LRRC18: variants seen among roughly 807,000 people sequenced by gnomAD.
The protein encoded by LRRC18 is leucine-rich repeat-containing protein 18.
LRRC18 carries 12 observed loss-of-function variants against 11.2 expected under a neutral mutation model. That is an observed-to-expected ratio of 1.07 (90% CI 0.69 to 1.74). LRRC18 has a LOEUF of 1.74. LRRC18 is among the 40% of genes most tolerant of loss of function. LRRC18 has a pLI of 0.00. For missense variants in LRRC18, 374 were observed against 330.5 expected (o/e 1.13, Z -1.02); for synonymous variants, 155 against 130.6 (o/e 1.19, Z -1.27).
upstream of LRRC18, among the ~76,000 whole-genome samples, chr10:48,918,748 AGG>A (rs34001978): frequency 4.6e-5 from 7 of 152,040 alleles, no homozygotes; most frequent in African/African-American, 7.3e-5. Flanking sequence ...TGTTGTCAGC[AGG>A]GGGTAGGATG....
intron 1 of LRRC18, among the ~76,000 whole-genome samples, chr10:48,911,946 G>T (rs1024118303): frequency 1.2e-4 from 19 of 152,236 alleles, no homozygotes; most frequent in Non-Finnish European, 1.5e-5. Flanking sequence ...GTGTGCTGTG[G>T]TTGACAATGT....
chr10:48,932,325 C>A, the LRRC18 span, among the ~76,000 whole-genome samples: 1 of 152,198 alleles, frequency 6.6e-6, no homozygotes. Context: ...GGTCAGGAAT[C>A]TCAGATGGAG....
At chr10:48,922,912 T>A in the LRRC18 span, among the ~76,000 whole-genome samples, 1 of 151,572 alleles carries the variant, frequency 6.6e-6, no homozygotes, top group Non-Finnish European at 1.5e-5. Context: ...GAAGGGAGAG[T>A]CACAAGTGAG....
At chr10:48,924,634 C>G in the LRRC18 span, among the ~76,000 whole-genome samples, 1 of 152,198 alleles carries the variant, frequency 6.6e-6, no homozygotes, top group South Asian at 2.1e-4. Context: ...TTTTTTTATA[C>G]TTTGGAAAAA....
At chr10:48,916,202 G>A (rs144041587), upstream of LRRC18, among the ~76,000 whole-genome samples, 56 of 152,206 alleles carry the variant, frequency 3.7e-4, no homozygotes, top group Admixed American at 1.6e-3. Context: ...CCCCTCAACC[G>A]TTTCTCTTGG....
At chr10:48,913,638 T>C in exon 1 of LRRC18, 1 of 1,614,074 alleles carries the variant, frequency 6.2e-7, no homozygotes, top group Non-Finnish European at 8.5e-7. Flanking sequence ...CCGCTTTATG[T>C]TGAGCTTTTT....
the LRRC18 span, among the ~76,000 whole-genome samples, chr10:48,930,108 A>C: frequency 1.3e-5 from 2 of 151,878 alleles, no homozygotes; most frequent in African/African-American, 4.8e-5. Flanking sequence ...CTTGGTCAAT[A>C]CTAGTTTAAT....
upstream of LRRC18, among the ~76,000 whole-genome samples, chr10:48,914,477 T>G (rs113705288): frequency 2.4e-4 from 36 of 152,304 alleles, no homozygotes; most frequent in Non-Finnish European, 4.7e-4. Context: ...TAAATGTCCC[T>G]CTAGCTGTGC....
At chr10:48,912,076 G>T (rs1052359706) in intron 1 of LRRC18, among the ~76,000 whole-genome samples, 1 of 152,170 alleles carries the variant, frequency 6.6e-6, no homozygotes, top group Non-Finnish European at 1.5e-5. Flanking sequence ...CTCCCTCAAG[G>T]TATCATTCTT....
At chr10:48,913,679 G>A (rs1838224373) in exon 1 of LRRC18, 2 of 1,613,438 alleles carry the variant, frequency 1.2e-6, no homozygotes, top group Non-Finnish European at 1.7e-6. Flanking sequence ...TGCTCACGGG[G>A]ATGTTGTTCA....
chr10:48,932,295 G>A, the LRRC18 span, among the ~76,000 whole-genome samples: 1 of 152,184 alleles, frequency 6.6e-6, no homozygotes, highest in African/African-American at 2.4e-5. Context: ...CAAACCAGCT[G>A]CTCTGGGCCA....
At chr10:48,921,607 A>G in the LRRC18 span, among the ~76,000 whole-genome samples, 1 of 4,402 alleles carries the variant, frequency 2.3e-4, no homozygotes, top group African/African-American at 4.2e-4. Context: ...AGCTCTGTGG[A>G]AAAAAAAAAC....
At chr10:48,910,183 C>A in exon 2 of LRRC18, 1 of 1,453,608 alleles carries the variant, frequency 6.9e-7, no homozygotes, top group South Asian at 1.1e-5. Context: ...TTCTCCTCTT[C>A]AGAGTCGTTT....
the LRRC18 span, among the ~76,000 whole-genome samples, chr10:48,924,220 T>C: frequency 6.6e-6 from 1 of 152,150 alleles, no homozygotes; most frequent in East Asian, 1.9e-4. Flanking sequence ...CTCCCTGGGG[T>C]CACCCGACCT....
upstream of LRRC18, among the ~76,000 whole-genome samples, chr10:48,918,898 T>C (rs533937355): frequency 6.6e-6 from 1 of 152,288 alleles, no homozygotes; most frequent in East Asian, 1.9e-4. Context: ...CATTGCCAAA[T>C]GTCCACTGAG....
At chr10:48,925,810 C>T in the LRRC18 span, among the ~76,000 whole-genome samples, 1 of 152,182 alleles carries the variant, frequency 6.6e-6, no homozygotes, top group Non-Finnish European at 1.5e-5. Flanking sequence ...CTGCCAATGT[C>T]AAGAGCTCCT....
chr10:48,928,621 G>A, the LRRC18 span, among the ~76,000 whole-genome samples: 2,480 of 152,240 alleles, frequency 0.016, 38 homozygotes, highest in Admixed American at 0.02. Flanking sequence ...AGGCCCCCTC[G>A]TATCATGCTG....
At chr10:48,930,257 A>G in the LRRC18 span, among the ~76,000 whole-genome samples, 1 of 152,216 alleles carries the variant, frequency 6.6e-6, no homozygotes, top group Admixed American at 6.5e-5. Context: ...TTTTACATGT[A>G]CTGTTGAAGG....
At chr10:48,923,839 A>G in the LRRC18 span, among the ~76,000 whole-genome samples, 2 of 152,154 alleles carry the variant, frequency 1.3e-5, no homozygotes, top group Admixed American at 6.5e-5. Context: ...AATTCAGCTC[A>G]GGGAGGCCAA....
Sources: gnomAD v4.1 joint callset for allele counts (sites outside exome capture counted in the v4.1 genomes callset) on GRCh38, gnomAD v4.1.1 for gene constraint, MANE v1.5 for transcripts, NCBI Gene and HGNC (gene_info 2026-07-23, HGNC 2026-07-21) for gene names.